VEZT: variants seen among roughly 807,000 people sequenced by gnomAD.
VEZT encodes the protein vezatin, adherens junctions transmembrane protein.
VEZT carries 39 observed loss-of-function variants against 79.9 expected under a neutral mutation model. The ratio of observed to expected loss-of-function variants is 0.49; its 90% CI spans 0.38 to 0.64. The LOEUF (loss-of-function observed/expected upper bound fraction) is 0.64, where lower values mean the gene tolerates loss of function less well. Ranked by LOEUF, VEZT falls within the 30% of genes least tolerant of loss-of-function variation. VEZT has a pLI of 0.00. For missense variants in VEZT, 837 were observed against 893.1 expected, an observed-to-expected ratio of 0.94 and a Z score of 0.80; for synonymous variants, 325 against 327.6, an observed-to-expected ratio of 0.99 and a Z score of 0.09.
chr12:95,267,484 T>C (rs562902427), intron 5 of VEZT, among the ~76,000 whole-genome samples: 1 of 152,298 alleles, frequency 6.6e-6, no homozygotes, highest in Admixed American at 6.5e-5. Context: ...TTCATAGCTC[T>C]TAATTAGTCG....
chr12:95,266,175 T>C lies in VEZT; in HGVS notation c.435-182T>C, dbSNP rs576189435. Among the ~76,000 whole-genome samples the C allele has an allele frequency of 1.1e-3, 164 of 152,350 alleles. 2 individuals carry two copies. In the South Asian group the frequency reaches 0.033, roughly 31 times the overall value. ...AGCACTATTGTCTAGTTGCGAGGTA[T>C]TTTAAAAATCTTTCACATCACCTTC... On this transcript the variant is annotated intron_variant, in intron 4 of 11. Coordinates refer to ENST00000436874, the MANE Select transcript of VEZT (RefSeq NM_017599.4).
At chr12:95,226,115 AAG>A (rs2058449284) in intron 1 of VEZT, among the ~76,000 whole-genome samples, 1 of 151,652 alleles carries the variant, frequency 6.6e-6, no homozygotes, top group Non-Finnish European at 1.5e-5. Flanking sequence ...AAAAAAAAAA[AAG>A]AACAGTTGAA....
At chr12:95,236,473 G>A (rs2060209102) in intron 1 of VEZT, among the ~76,000 whole-genome samples, 1 of 152,060 alleles carries the variant, frequency 6.6e-6, no homozygotes, top group South Asian at 2.1e-4. Flanking sequence ...AGAGGGGAAA[G>A]TAGTTTTTAA....
chr12:95,276,462 G>T (rs1479235603), intron 7 of VEZT, among the ~76,000 whole-genome samples: 1 of 151,350 alleles, frequency 6.6e-6, no homozygotes, highest in East Asian at 1.9e-4. Context: ...TAGAGACAGG[G>T]TTTCACCGTG....
At chr12:95,264,711 A>C (rs539332111) in intron 4 of VEZT, among the ~76,000 whole-genome samples, 1 of 152,156 alleles carries the variant, frequency 6.6e-6, no homozygotes, top group South Asian at 2.1e-4. Flanking sequence ...TGCTGGGATT[A>C]CAGGCACGAG....
At chr12:95,253,190 T>C (rs2062891337) in intron 2 of VEZT, among the ~76,000 whole-genome samples, 1 of 152,222 alleles carries the variant, frequency 6.6e-6, no homozygotes, top group African/African-American at 2.4e-5. Context: ...AATTTCCTCA[T>C]TCCTTGAGCA....
chr12:95,246,785 G>A (rs1055439030), intron 1 of VEZT, among the ~76,000 whole-genome samples: 6 of 152,146 alleles, frequency 3.9e-5, no homozygotes, highest in East Asian at 1.9e-4. Context: ...CCAATACTTC[G>A]AAATTATAGT....
intron 1 of VEZT, among the ~76,000 whole-genome samples, chr12:95,228,457 G>T (rs528148280): frequency 6.6e-6 from 1 of 152,062 alleles, no homozygotes; most frequent in Non-Finnish European, 1.5e-5. Flanking sequence ...TGATAATGGA[G>T]CTTCCTGTCT....
chr12:95,257,927 C>T (rs1415554443), intron 3 of VEZT, among the ~76,000 whole-genome samples: 4 of 152,156 alleles, frequency 2.6e-5, no homozygotes, highest in African/African-American at 9.7e-5. Context: ...ATTTAGTCTG[C>T]TTCAGTAACG....
At chr12:95,290,388 T>G (rs2072428497) in intron 9 of VEZT, among the ~76,000 whole-genome samples, 1 of 152,188 alleles carries the variant, frequency 6.6e-6, no homozygotes, top group South Asian at 2.1e-4. Context: ...AAACTAAAAC[T>G]AGAAGCAGCT....
At chr12:95,283,382 G>A (rs1278570259) in intron 8 of VEZT, among the ~76,000 whole-genome samples, 4 of 152,144 alleles carry the variant, frequency 2.6e-5, no homozygotes, top group South Asian at 4.1e-4. Context: ...AATACTCATC[G>A]TGTAGGACTG....
intron 4 of VEZT, among the ~76,000 whole-genome samples, chr12:95,266,146 C>T (rs569530478): frequency 6.6e-6 from 1 of 152,270 alleles, no homozygotes; most frequent in South Asian, 2.1e-4. Context: ...GATGTTAATA[C>T]CTAAGCACTA....
intron 4 of VEZT, among the ~76,000 whole-genome samples, chr12:95,265,734 G>A (rs1330829321): frequency 6.6e-6 from 1 of 151,938 alleles, no homozygotes; most frequent in Admixed American, 6.6e-5. Flanking sequence ...CAAGCTTTTG[G>A]CAAAATCTTC....
intron 3 of VEZT, among the ~76,000 whole-genome samples, chr12:95,259,275 G>A (rs1177191493): frequency 6.6e-6 from 1 of 150,382 alleles, no homozygotes; most frequent in Admixed American, 6.6e-5. Flanking sequence ...TCAGCCTATT[G>A]TGTCTCTTAT....
intron 5 of VEZT, 94 bp downstream of exon 5, chr12:95,266,726 A>G: frequency 7.5e-7 from 1 of 1,325,620 alleles, no homozygotes; most frequent in Non-Finnish European, 1.0e-6. Flanking sequence ...TGTTGCATTT[A>G]TAGGAAAAAA....
At chr12:95,254,286 AT>A (rs1435676165) in intron 2 of VEZT, among the ~76,000 whole-genome samples, 1 of 148,172 alleles carries the variant, frequency 6.7e-6, no homozygotes, top group Non-Finnish European at 1.5e-5. Flanking sequence ...CATATTGCAC[AT>A]TTCTAAGACA....
Position 95,282,355 on chromosome 12 carries a change from A to G in VEZT, c.1039A>G (p.Arg347Gly). The G allele has an allele frequency of 6.2e-7, 1 of 1,613,858 alleles. No homozygotes were observed. Among genetic ancestry groups the G allele is most frequent in the Non-Finnish European group, 8.5e-7 (1 of 1,179,870 alleles). ...LWVAQSSEFF[R>G]RLALLLSTAN... Reference sequence around the variant, plus strand: ...GGTGGCACAGAGTTCAGAGTTCTTCAGACGGTTAGCCCTATTACTTTCTAC... The same window carrying G: ...GGTGGCACAGAGTTCAGAGTTCTTCGGACGGTTAGCCCTATTACTTTCTAC... The change falls in exon 8 of 12, where the codon AGA becomes GGA. Residue 347 changes from arginine to glycine, a missense_variant. Transcript: ENST00000436874.
chr12:95,273,097 G>T (rs2066948573), intron 6 of VEZT, among the ~76,000 whole-genome samples: 2 of 152,106 alleles, frequency 1.3e-5, no homozygotes, highest in Non-Finnish European at 2.9e-5. Flanking sequence ...AACTTGAAGA[G>T]ATTGGACATA....
chr12:95,232,168 A>G (rs941540771), intron 1 of VEZT, among the ~76,000 whole-genome samples: 1 of 152,216 alleles, frequency 6.6e-6, no homozygotes, highest in African/African-American at 2.4e-5. Flanking sequence ...ATATTCAAAG[A>G]TAAAAGGTTT....
Sources: gnomAD v4.1 joint callset for allele counts (sites outside exome capture counted in the v4.1 genomes callset) on GRCh38, gnomAD v4.1.1 for gene constraint, MANE v1.5 for transcripts, NCBI Gene and HGNC (gene_info 2026-07-23, HGNC 2026-07-21) for gene names.